Variants in EXOC2 observed in about 807,000 individuals in gnomAD.
EXOC2 encodes SEC5-like 1.
A neutral mutation model predicts 131.8 loss-of-function variants in EXOC2; 70 were observed. That is an observed-to-expected ratio of 0.53 (90% CI 0.44 to 0.65). The LOEUF (loss-of-function observed/expected upper bound fraction) is 0.65. EXOC2 is among the 30% of genes least tolerant of loss of function. The probability of loss-of-function intolerance (pLI) is 0.00; values close to 1 mark genes in which losing one functional copy is unlikely to be tolerated. For missense variants in EXOC2, 923 were observed against 1,108.6 expected, an observed-to-expected ratio of 0.83 and a Z score of 2.38; for synonymous variants, 411 against 398.4, an observed-to-expected ratio of 1.03 and a Z score of -0.38.
chr6:518,966 C>T (rs1013484550), intron 23 of EXOC2, among the ~76,000 whole-genome samples: 4 of 152,202 alleles, frequency 2.6e-5, no homozygotes, highest in African/African-American at 9.7e-5. Flanking sequence ...ATGAAGTCCA[C>T]TCAACTGGTA....
chr6:598,548 A>G (rs1311401438), intron 9 of EXOC2, among the ~76,000 whole-genome samples: 1 of 152,230 alleles, frequency 6.6e-6, no homozygotes, highest in Admixed American at 6.5e-5. Context: ...GAAGATTAAA[A>G]TGTAGGTTTC....
intron 11 of EXOC2, 104 bp from the exon 12 acceptor site, chr6:576,986 G>C: frequency 2.1e-6 from 2 of 957,200 alleles, no homozygotes; most frequent in Non-Finnish European, 3.1e-6. Flanking sequence ...TTGCTCAATT[G>C]CTCCACTCTT....
At chr6:490,872 T>C (rs1412867499) in intron 26 of EXOC2, among the ~76,000 whole-genome samples, 1 of 152,242 alleles carries the variant, frequency 6.6e-6, no homozygotes, top group African/African-American at 2.4e-5. Flanking sequence ...TCAGTTCTTA[T>C]CCTCTTTTGC....
intron 25 of EXOC2, among the ~76,000 whole-genome samples, chr6:495,667 T>C (rs1763687877): frequency 6.6e-6 from 1 of 152,232 alleles, no homozygotes; most frequent in African/African-American, 2.4e-5. Context: ...GTGAGAGCTC[T>C]AGTTCCATCA....
At chr6:528,180 AT>A (rs1269471615) in intron 23 of EXOC2, among the ~76,000 whole-genome samples, 1 of 152,204 alleles carries the variant, frequency 6.6e-6, no homozygotes, top group African/African-American at 2.4e-5. Context: ...TTTAACGGAT[AT>A]CTCTTGTTGA....
intron 21 of EXOC2, among the ~76,000 whole-genome samples, chr6:551,442 A>G (rs1187889003): frequency 6.6e-6 from 1 of 152,254 alleles, no homozygotes; most frequent in African/African-American, 2.4e-5. Flanking sequence ...GGCAGGAGAG[A>G]GGAGGCCCTG....
At chr6:573,655 T>C (rs1758413604) in intron 12 of EXOC2, among the ~76,000 whole-genome samples, 1 of 150,868 alleles carries the variant, frequency 6.6e-6, no homozygotes, top group African/African-American at 2.4e-5. Context: ...TTATAAACTG[T>C]ATTAATAAAA....
In EXOC2 at chr6:666,631, T is replaced by C. The variant is rs1463270574; in HGVS notation, c.-44+26388A>G. Among the ~76,000 whole-genome samples the C allele has an allele frequency of 1.6e-4, 16 of 97,220 alleles. 4 individuals are homozygous for C. The highest frequency in any genetic ancestry group is 4.9e-4 in the African/African-American group (16 of 32,836). The allele number at this position is 97,220 out of a possible 152,430, so 63.8% of individuals were successfully genotyped here. On this transcript the variant is annotated intron_variant, in intron 1 of 27. Transcript: ENST00000230449. ...CACTACCACTCCCTCCTGTTTCCTC[T>C]GTTATTAACATCTTGCATTAGTGTG...
At chr6:576,512 T>C (rs556783483) in intron 12 of EXOC2, among the ~76,000 whole-genome samples, 12 of 152,322 alleles carry the variant, frequency 7.9e-5, no homozygotes, top group Non-Finnish European at 1.6e-4. Context: ...AGACTTGAAC[T>C]AAATATGTTT....
At chr6:513,250 G>A (rs1304206402) in intron 23 of EXOC2, among the ~76,000 whole-genome samples, 1 of 152,230 alleles carries the variant, frequency 6.6e-6, no homozygotes, top group South Asian at 2.1e-4. Context: ...CCAAGAGCAC[G>A]GCGTGGTCAC....
chr6:656,903 C>T (rs750643871), intron 1 of EXOC2: 2 of 1,562,224 alleles, frequency 1.3e-6, no homozygotes, highest in East Asian at 2.3e-5. Context: ...GAATGAACAG[C>T]TCTAGACAGC....
chr6:560,880 GTAT>G (rs550529264), intron 17 of EXOC2, among the ~76,000 whole-genome samples: 1 of 151,914 alleles, frequency 6.6e-6, no homozygotes, highest in South Asian at 2.1e-4. Flanking sequence ...GCTAATTTTT[GTAT>G]TTTTAGTAGA....
Position 632,878 on chromosome 6 carries a change from A to C in EXOC2, c.295+63T>G, listed in dbSNP as rs565362378. 2.7e-6 allele frequency: 4 copies of C among 1,503,676 alleles called. No homozygotes were observed. In the East Asian group the frequency reaches 9.1e-5, roughly 34 times the overall value. The allele number at this position is 1,503,676 out of a possible 1,614,324, so 93.1% of individuals were successfully genotyped here. On this transcript the variant is annotated intron_variant, in intron 3 of 27. Transcript: ENST00000230449. The stretch of plus-strand genomic sequence containing the variant: ...GGTTTTACACGAATCTACCAGCTTT[A>C]CAGCTTAAAAGACAAACTCATTTTT...
intron 1 of EXOC2, among the ~76,000 whole-genome samples, chr6:687,168 A>ATTATT (rs1292769233): frequency 1.2e-4 from 5 of 40,746 alleles, no homozygotes; most frequent in East Asian, 9.1e-4. Flanking sequence ...ATCAAATAAT[A>ATTATT]TTCTTTTTTT....
chr6:493,903 C>T (rs1763575229), intron 25 of EXOC2, among the ~76,000 whole-genome samples: 2 of 152,204 alleles, frequency 1.3e-5, no homozygotes, highest in Non-Finnish European at 2.9e-5. Flanking sequence ...CACTTTCCAA[C>T]CTCTCCCTGC....
intron 1 of EXOC2, among the ~76,000 whole-genome samples, chr6:691,683 T>G (rs1764933378): frequency 6.6e-6 from 1 of 152,220 alleles, no homozygotes; most frequent in Non-Finnish European, 1.5e-5. Context: ...ATGGAAATTT[T>G]TGACTGCGTG....
At chr6:615,853 C>T (rs1760973084) in intron 6 of EXOC2, among the ~76,000 whole-genome samples, 1 of 151,982 alleles carries the variant, frequency 6.6e-6, no homozygotes, top group Non-Finnish European at 1.5e-5. Context: ...TTGATTTGGA[C>T]ATATCACCTA....
At chr6:670,673 T>C (rs905112889) in intron 1 of EXOC2, among the ~76,000 whole-genome samples, 4 of 152,222 alleles carry the variant, frequency 2.6e-5, no homozygotes, top group Admixed American at 1.3e-4. Flanking sequence ...ACTGAAAATA[T>C]TCAATTCCTT....
intron 1 of EXOC2, among the ~76,000 whole-genome samples, chr6:653,106 C>T (rs996671586): frequency 4.6e-5 from 7 of 152,190 alleles, no homozygotes; most frequent in African/African-American, 1.4e-4. Context: ...GTGTGTGTGA[C>T]TGTTCCACCA....
Sources: gnomAD v4.1 joint callset for allele counts (sites outside exome capture counted in the v4.1 genomes callset) on GRCh38, gnomAD v4.1.1 for gene constraint, MANE v1.5 for transcripts, NCBI Gene and HGNC (gene_info 2026-07-23, HGNC 2026-07-21) for gene names.